The following ATP12A variants were observed in gnomAD, a reference collection of about 807,000 sequenced individuals.
ATP12A encodes ATPase H+/K+ transporting non-gastric alpha2 subunit, also known as potassium-transporting ATPase alpha chain 2.
Under a neutral mutation model 111.2 loss-of-function variants are expected in ATP12A, and 81 were observed. The ratio of observed to expected loss-of-function variants is 0.73; its 90% CI spans 0.61 to 0.88. ATP12A has a LOEUF of 0.88. ATP12A is among the 40% of genes least tolerant of loss of function. The pLI, the probability that ATP12A is intolerant of heterozygous loss-of-function variation, is 0.00. For synonymous variants in ATP12A, 498 were observed against 499.8 expected (o/e 1.00, Z 0.05); for missense variants, 1,196 against 1,313.1 (o/e 0.91, Z 1.38).
chr13:24,704,912 T>C (rs1875557757), intron 14 of ATP12A: 1 of 152,546 alleles, frequency 6.6e-6, no homozygotes, highest in African/African-American at 2.4e-5. Flanking sequence ...ATTCACTTCA[T>C]CAGCTCTAGT....
At chr13:24,681,766 C>T (rs774210036) in intron 2 of ATP12A, 46 bp downstream of exon 2, 7 of 1,610,596 alleles carry the variant, frequency 4.3e-6, no homozygotes, top group Non-Finnish European at 5.1e-6. Context: ...TGGCCCTTCC[C>T]CGCAAGAGCT....
chr13:24,684,720 A>G (rs2137688958), intron 2 of ATP12A, among the ~76,000 whole-genome samples: 1 of 152,364 alleles, frequency 6.6e-6, no homozygotes, highest in Middle Eastern at 3.4e-3. Flanking sequence ...GCTGTAGTCT[A>G]ATGATTCTGT....
rs760123447 is a variant in ATP12A, at chr13:24,706,413, C to T, written c.2119C>T (p.Arg707Trp). The T allele has an allele frequency of 1.4e-5, 23 of 1,614,226 alleles. No individual in the cohort carries two copies. The highest frequency in any genetic ancestry group is 3.3e-5 in the South Asian group (3 of 91,078). ...LANYQEIVFA[R>W]TSPQQKLIIV... ...CAACTACCAGGAGATTGTCTTTGCCCGGACATCCCCCCAGCAGAAGCTGAT... is the reference window on the plus strand; with the variant it reads ...CAACTACCAGGAGATTGTCTTTGCCTGGACATCCCCCCAGCAGAAGCTGAT... The change falls in exon 15 of 23, where the codon CGG becomes TGG. Residue 707 changes from arginine to tryptophan, a missense_variant. Physicochemically the swap from Arg to Trp is moderately radical, Grantham distance 101. Around this residue, in one of 3 missense-constraint regions of ATP12A, gnomAD observed 1,126 missense variants for 1,228.5 expected, o/e 0.92. Transcript: ENST00000381946.
Position 24,711,597 on chromosome 13 carries a change from A to AT in ATP12A, c.*77dup. ...TCATCTTCTGACCGTTTGCTGGGCT[A>AT]TTCCCCTGCAGTGCAGACATCGTCA... On this transcript the variant is annotated 3_prime_UTR_variant, in exon 23 of 23. Coordinates refer to ENST00000381946, the MANE Select transcript of ATP12A (RefSeq NM_001676.7). 1 of 1,593,872 alleles carries AT rather than the reference A, an allele frequency of 6.3e-7. No homozygotes were observed. The highest frequency in any genetic ancestry group is 2.2e-5 in the East Asian group (1 of 44,778).
In ATP12A at chr13:24,680,747, C is replaced by T. The variant is rs907338756; in HGVS notation, c.4C>T (p.His2Tyr). ...CCCGCGGCGCCACCAGCCCAGCATGCACCAGGTGCGTGCAGCCCCCGCGCC... is the reference window on the plus strand; with the variant it reads ...CCCGCGGCGCCACCAGCCCAGCATGTACCAGGTGCGTGCAGCCCCCGCGCC... M[H>Y]QKTPEIYSVE... Residue 2 changes from histidine (H) to tyrosine (Y), a missense_variant, in exon 1 of 23, where the codon CAC (histidine) becomes TAC (tyrosine). Transcript: ENST00000381946. The T allele has an allele frequency of 2.0e-6, 3 of 1,500,986 alleles. No homozygotes were observed. The highest frequency in any genetic ancestry group is 4.2e-5 in the Admixed American group (2 of 47,272). 93.0% of individuals were successfully genotyped at this position (1,500,986 alleles called of 1,614,324 possible).
intron 5 of ATP12A, 101 bp downstream of exon 5, chr13:24,689,476 C>G: frequency 1.0e-6 from 1 of 983,640 alleles, no homozygotes; most frequent in South Asian, 1.4e-5. Flanking sequence ...GTTTCCACTT[C>G]CTTCCCTGTC....
Position 24,688,275 on chromosome 13 carries a change from C to T in ATP12A, c.229-44C>T, listed in dbSNP as rs557076542. 2.8e-5 allele frequency: 44 copies of T among 1,560,074 alleles called. No individual in the cohort carries two copies. The South Asian group carries it at 4.7e-4, about 17-fold the overall frequency. On this transcript the variant is annotated intron_variant, in intron 3 of 22. Coordinates refer to ENST00000381946, the MANE Select transcript of ATP12A (RefSeq NM_001676.7). ...CCTGAGGGAGGAGGAATGTCTAATT[C>T]GTATTTGTTTTGGTTGTGCATGTGC...
chr13:24,708,969 G>GGAAGGA (rs1875832456), intron 17 of ATP12A, among the ~76,000 whole-genome samples: 1 of 146,356 alleles, frequency 6.8e-6, no homozygotes, highest in African/African-American at 2.5e-5. Flanking sequence ...AAGAAGGAAA[G>GGAAGGA]AGAAAGAGAA....
In ATP12A at chr13:24,692,848, T is replaced by G; in HGVS notation, c.1329T>G (p.Cys443Trp). The change falls in exon 10 of 23, where the codon TGT (cysteine) becomes TGG (tryptophan). Residue 443 changes from cysteine (C) to tryptophan (W), a missense_variant. By Grantham distance (215) the Cys-to-Trp change is radical. Transcript: ENST00000381946. ...CCTTATCCAAGATAATAACATTGTG[T>G]AACCGAGCAGAGTTCAAGCCAGGAC... ...WASLSKIITL[C>W]NRAEFKPGQE... 1 of 1,614,218 alleles carries G rather than the reference T, an allele frequency of 6.2e-7. No individual in the cohort carries two copies. The highest frequency in any genetic ancestry group is 2.2e-5 in the East Asian group (1 of 44,888).
Position 24,698,337 on chromosome 13 carries a change from C to T in ATP12A, c.1513-321C>T, listed in dbSNP as rs888623899. ...GTAGAGGAGGTGAGATGCAGAGGCTCGCAGCCCCCTAACTCTCACGGGCAC... is the reference window on the plus strand; with the variant it reads ...GTAGAGGAGGTGAGATGCAGAGGCTTGCAGCCCCCTAACTCTCACGGGCAC... On this transcript the variant is annotated intron_variant, in intron 11 of 22. Coordinates refer to ENST00000381946, the MANE Select transcript of ATP12A (RefSeq NM_001676.7). Among the ~76,000 whole-genome samples the T allele has an allele frequency of 1.2e-4, 19 of 152,064 alleles. 1 individual carries two copies. The highest frequency in any genetic ancestry group is 1.2e-3 in the Admixed American group (19 of 15,274).
At chr13:24,694,799 A>T (rs1875065613) in intron 11 of ATP12A, among the ~76,000 whole-genome samples, 1 of 152,038 alleles carries the variant, frequency 6.6e-6, no homozygotes. Flanking sequence ...CAAGGACTTC[A>T]TCAGGGCCTG....
At chr13:24,706,552 T>A (rs562995334) in intron 15 of ATP12A, 89 bp downstream of exon 15, 4 of 1,509,536 alleles carry the variant, frequency 2.6e-6, no homozygotes, top group East Asian at 4.7e-5. Flanking sequence ...CAGGCTGTGG[T>A]GCCTTTGAAA....
At position 24,698,766 on chromosome 13, in the gene ATP12A, G is replaced by A. The variant is rs568449072; in HGVS notation, c.1621G>A (p.Glu541Lys). ...ATGCAGCACCATCATGATCAACGGC[G>A]AGGAGCACCCACTGGACAAGAGCAC... Reference protein sequence around the residue: ...EKCSTIMINGEEHPLDKSTAK... With the variant: ...EKCSTIMINGKEHPLDKSTAK... The change falls in exon 12 of 23, where the codon GAG becomes AAG. Residue 541 changes from glutamate to lysine, a missense_variant. Coordinates refer to ENST00000381946, the MANE Select transcript of ATP12A (RefSeq NM_001676.7). 46 of 1,613,932 alleles carry A rather than the reference G, an allele frequency of 2.9e-5. No homozygotes were observed. The highest frequency in any genetic ancestry group is 3.6e-5 in the Non-Finnish European group (42 of 1,180,028).
chr13:24,703,292 T>A (rs1964464), intron 14 of ATP12A, among the ~76,000 whole-genome samples: 1 of 152,066 alleles, frequency 6.6e-6, no homozygotes, highest in East Asian at 1.9e-4. Flanking sequence ...ACCCACGCTG[T>A]AATGCAGTGG....
chr13:24,686,631 C>T (rs889081524), intron 3 of ATP12A, among the ~76,000 whole-genome samples: 1 of 151,902 alleles, frequency 6.6e-6, no homozygotes, highest in Non-Finnish European at 1.5e-5. Flanking sequence ...CCCAGCTACT[C>T]GGGAGGCTGA....
At chr13:24,681,491 G>T in intron 1 of ATP12A, 71 bp from the exon 2 acceptor site, 1 of 1,549,808 alleles carries the variant, frequency 6.5e-7, no homozygotes, top group East Asian at 2.2e-5. Flanking sequence ...TCCTGACCCC[G>T]CAGAGGGGCG....
Position 24,700,844 on chromosome 13 carries a change from G to T in ATP12A, c.1803G>T (p.Val601=), listed in dbSNP as rs752081861. Residue 601 remains valine, a synonymous_variant, in exon 13 of 23, where the codon GTG becomes GTT. Transcript: ENST00000381946. ...MNFPTSNLCF[V]GLLSMIDPPR... ...TTCCGACCTCCAACCTCTGTTTTGT[G>T]GGACTCTTGTCAATGATCGATCCCC... 6.2e-7 allele frequency: 1 copy of T among 1,614,148 alleles called. No individual in the cohort carries two copies. The highest frequency in any genetic ancestry group is 8.5e-7 in the Non-Finnish European group (1 of 1,180,030).
At chr13:24,698,873 G>A (rs776878008) in intron 12 of ATP12A, 23 bp downstream of exon 12, 77 of 1,610,462 alleles carry the variant, frequency 4.8e-5, no homozygotes, top group Non-Finnish European at 5.9e-5. Context: ...GCAGGGCCCT[G>A]CCCATCACCT....
At chr13:24,711,237 G>T (rs556560685) in intron 21 of ATP12A, 81 bp from the exon 22 acceptor site, 1 of 1,286,686 alleles carries the variant, frequency 7.8e-7, no homozygotes, top group Non-Finnish European at 1.1e-6. Context: ...ACAAATGAAC[G>T]AGAAGCCCCA....
Sources: allele counts gnomAD v4.1 joint callset (sites outside exome capture counted in the v4.1 genomes callset), GRCh38; gene constraint gnomAD v4.1.1; regional missense constraint gnomAD v4.1.1; transcripts MANE v1.5; gene names NCBI Gene and HGNC (gene_info 2026-07-23, HGNC 2026-07-21).